Variants in KCNH8 observed in about 807,000 individuals in gnomAD.
The protein encoded by KCNH8 is potassium voltage-gated channel subfamily H member 8.
KCNH8 carries 70 observed loss-of-function variants against 103.6 expected under a neutral mutation model. The observed-to-expected ratio is 0.68, with a 90% CI of 0.56 to 0.82. The LOEUF is 0.82. Ranked by LOEUF, KCNH8 falls within the 40% of genes least tolerant of loss-of-function variation. KCNH8 has a pLI of 0.00. For synonymous variants in KCNH8, 498 were observed against 489.4 expected (o/e 1.02, Z -0.23); for missense variants, 1,217 against 1,329.9 (o/e 0.92, Z 1.32).
At chr3:19,338,830 T>C (rs960926573) in intron 3 of KCNH8, among the ~76,000 whole-genome samples, 1 of 152,168 alleles carries the variant, frequency 6.6e-6, no homozygotes, top group African/African-American at 2.4e-5. Context: ...AGGAAGACAC[T>C]GTTTCATTCA....
intron 5 of KCNH8, among the ~76,000 whole-genome samples, chr3:19,367,603 G>A (rs1222216284): frequency 6.6e-6 from 1 of 151,394 alleles, no homozygotes; most frequent in African/African-American, 2.4e-5. Flanking sequence ...ATCATATAAT[G>A]CATATGTAGC....
rs11422314 is a variant in KCNH8 at position 19,400,231 on chromosome 3, C to CAAAAAAAAAAAAAAAAAAAAAAAA, written c.1177+4921_1177+4944dup. ...CCCTACCAGATACGATGTTAGCCAG[C>CAAAAAAAAAAAAAAAAAAAAAAAA]AAAAAAAAAAAAAAAAAAAAAAAAG... On this transcript the variant is annotated intron_variant, in intron 7 of 15. Transcript: ENST00000328405. 5.6e-5 allele frequency among the ~76,000 whole-genome samples: 3 copies of CAAAAAAAAAAAAAAAAAAAAAAAA among 53,108 alleles called. 1 individual carries two copies. Among genetic ancestry groups the CAAAAAAAAAAAAAAAAAAAAAAAA allele is most frequent in the Non-Finnish European group, 9.9e-5 (3 of 30,178 alleles). The allele number at this position is 53,108 out of a possible 152,430, so 34.8% of individuals were successfully genotyped here. A position where few individuals can be genotyped will look rare whatever the true frequency, so the allele number is the denominator to read the frequency against.
intron 5 of KCNH8, among the ~76,000 whole-genome samples, chr3:19,374,603 C>T (rs547231385): frequency 6.6e-6 from 1 of 152,154 alleles, no homozygotes; most frequent in East Asian, 1.9e-4. Context: ...AGTCCATTTA[C>T]ATTTAAGGTT....
intron 7 of KCNH8, among the ~76,000 whole-genome samples, chr3:19,409,469 C>T (rs953159398): frequency 2.6e-5 from 4 of 152,066 alleles, no homozygotes; most frequent in Non-Finnish European, 2.9e-5. Flanking sequence ...AGAAATTACA[C>T]AGCGAACAGC....
At position 19,474,648 on chromosome 3, in the gene KCNH8, A is replaced by C. The variant is rs959969804; in HGVS notation, c.2040+17666A>C. On this transcript the variant is annotated intron_variant, in intron 11 of 15. Transcript: ENST00000328405. ...GTTTGGTTTCCAGGTCATTGAAGAA[A>C]ATAATTAAGGAAAATTCTGATATGA... 5.3e-5 allele frequency among the ~76,000 whole-genome samples: 8 copies of C among 152,210 alleles called. No homozygotes were observed. The South Asian group carries it at 1.7e-3, about 32-fold the overall frequency.
At chr3:19,246,225 C>T (rs1419310948) in intron 1 of KCNH8, among the ~76,000 whole-genome samples, 16 of 148,798 alleles carry the variant, frequency 1.1e-4, no homozygotes, top group Admixed American at 8.7e-4. Flanking sequence ...TTTATTAAAC[C>T]ATTCAAATGA....
At chr3:19,308,454 T>G (rs983849486) in intron 3 of KCNH8, among the ~76,000 whole-genome samples, 4 of 151,854 alleles carry the variant, frequency 2.6e-5, no homozygotes, top group Non-Finnish European at 4.4e-5. Flanking sequence ...AAGAAGGATA[T>G]TTCAAGGTTT....
At chr3:19,458,552 A>G (rs2067570151) in intron 11 of KCNH8, among the ~76,000 whole-genome samples, 1 of 151,940 alleles carries the variant, frequency 6.6e-6, no homozygotes, top group African/African-American at 2.4e-5. Flanking sequence ...TGGCTAAATC[A>G]CGCTAATTAA....
At chr3:19,463,570 C>G (rs537333620) in intron 11 of KCNH8, among the ~76,000 whole-genome samples, 18 of 152,124 alleles carry the variant, frequency 1.2e-4, no homozygotes, top group Admixed American at 3.3e-4. Context: ...AAGGCGTAAA[C>G]TTTTAAATTC....
intron 1 of KCNH8, among the ~76,000 whole-genome samples, chr3:19,179,785 T>C (rs775414133): frequency 6.6e-6 from 1 of 152,174 alleles, no homozygotes; most frequent in Non-Finnish European, 1.5e-5. Context: ...CATTGCACTC[T>C]ATATTCTTGT....
At chr3:19,188,482 T>G (rs1289072292) in intron 1 of KCNH8, among the ~76,000 whole-genome samples, 2 of 151,908 alleles carry the variant, frequency 1.3e-5, no homozygotes, top group Non-Finnish European at 2.9e-5. Context: ...AAACATGTGG[T>G]GGGGTGATTA....
chr3:19,485,072 C>G (rs1451195882), intron 11 of KCNH8, among the ~76,000 whole-genome samples: 1 of 152,180 alleles, frequency 6.6e-6, no homozygotes, highest in African/African-American at 2.4e-5. Context: ...TTCCGGAACT[C>G]TGAGGTCGGT....
At position 19,360,438 on chromosome 3, in the gene KCNH8, G is replaced by A. The variant is rs540007485; in HGVS notation, c.811+12473G>A. On this transcript the variant is annotated intron_variant, in intron 5 of 15. Transcript: ENST00000328405. Reference sequence around the variant, plus strand: ...CCTGTTTTTATAGATAAAAGTTATCGTTAACACAATTACTCATATTCTTTT... The same window carrying A: ...CCTGTTTTTATAGATAAAAGTTATCATTAACACAATTACTCATATTCTTTT... 1.8e-3 allele frequency among the ~76,000 whole-genome samples: 269 copies of A among 152,102 alleles called. 3 individuals are homozygous for A. Among genetic ancestry groups the A allele is most frequent in the South Asian group, 0.015 (71 of 4,820 alleles).
chr3:19,318,078 C>T (rs923078590), intron 3 of KCNH8, among the ~76,000 whole-genome samples: 1 of 151,798 alleles, frequency 6.6e-6, no homozygotes, highest in Non-Finnish European at 1.5e-5. Context: ...TGGAAATTTC[C>T]ATCATATCAA....
chr3:19,245,671 T>C (rs370756327), intron 1 of KCNH8, among the ~76,000 whole-genome samples: 2 of 152,310 alleles, frequency 1.3e-5, no homozygotes, highest in African/African-American at 4.8e-5. Flanking sequence ...CTTTAGTTAG[T>C]TGTATTCATG....
chr3:19,283,647 A>C (rs2064787404), intron 3 of KCNH8, among the ~76,000 whole-genome samples: 1 of 152,020 alleles, frequency 6.6e-6, no homozygotes, highest in South Asian at 2.1e-4. Flanking sequence ...ATGGTTATAA[A>C]ATGATAATTA....
chr3:19,182,099 G>T (rs966267337), intron 1 of KCNH8, among the ~76,000 whole-genome samples: 1 of 152,134 alleles, frequency 6.6e-6, no homozygotes, highest in African/African-American at 2.4e-5. Context: ...CTAAAAAAGA[G>T]ACTGGATTGT....
At chr3:19,506,093 C>T (rs2068687831) in intron 11 of KCNH8, among the ~76,000 whole-genome samples, 1 of 152,188 alleles carries the variant, frequency 6.6e-6, no homozygotes, top group South Asian at 2.1e-4. Context: ...GTACTGGGTA[C>T]TGACTTTCTC....
intron 15 of KCNH8, among the ~76,000 whole-genome samples, chr3:19,527,034 T>G (rs2069077264): frequency 6.6e-6 from 1 of 151,952 alleles, no homozygotes; most frequent in Non-Finnish European, 1.5e-5. Flanking sequence ...AAAACCAGGC[T>G]GCACATCCCT....
Sources: allele counts gnomAD v4.1 joint callset (sites outside exome capture counted in the v4.1 genomes callset), GRCh38; gene constraint gnomAD v4.1.1; transcripts MANE v1.5; gene names NCBI Gene and HGNC (gene_info 2026-07-23, HGNC 2026-07-21).